TGM2: variants seen among roughly 807,000 people sequenced by gnomAD.
TGM2 encodes the protein transglutaminase 2, also known as protein-glutamine gamma-glutamyltransferase 2.
In TGM2, 53 loss-of-function variants were observed where a neutral mutation model predicts 75.6. The ratio of observed to expected loss-of-function variants is 0.70; its 90% CI spans 0.56 to 0.88. The LOEUF (loss-of-function observed/expected upper bound fraction) is 0.88. Ranked by LOEUF, TGM2 falls within the 40% of genes least tolerant of loss-of-function variation. The pLI is 0.00. For missense variants in TGM2, 842 were observed against 928.5 expected (o/e 0.91, Z 1.21); for synonymous variants, 374 against 381.1 (o/e 0.98, Z 0.22).
intron 10 of TGM2, among the ~76,000 whole-genome samples, chr20:38,135,118 G>A (rs2074882815): frequency 6.6e-6 from 1 of 152,212 alleles, no homozygotes; most frequent in African/African-American, 2.4e-5. Flanking sequence ...TGATGCCAGT[G>A]CGGAACAATG....
intron 10 of TGM2, among the ~76,000 whole-genome samples, chr20:38,137,090 C>T (rs2074909222): frequency 1.3e-5 from 2 of 152,358 alleles, no homozygotes; most frequent in Admixed American, 1.3e-4. Flanking sequence ...GCACTTCTCC[C>T]TGCAGAGGCC....
At chr20:38,139,290 G>A (rs140804009) in intron 9 of TGM2, 122 bp downstream of exon 9, 300 of 1,408,562 alleles carry the variant, frequency 2.1e-4, no homozygotes, top group Non-Finnish European at 2.8e-4. Context: ...TATAGCCTAC[G>A]GGGCCATTGC....
intron 10 of TGM2, among the ~76,000 whole-genome samples, chr20:38,136,616 G>A (rs900283113): frequency 6.6e-6 from 1 of 152,192 alleles, no homozygotes; most frequent in African/African-American, 2.4e-5. Context: ...GCCCAAAGAC[G>A]ATGTCCTACT....
chr20:38,166,248 C>G (rs2122990459), upstream of TGM2, among the ~76,000 whole-genome samples: 1 of 152,242 alleles, frequency 6.6e-6, no homozygotes, highest in East Asian at 1.9e-4. Context: ...ACCCATCCAT[C>G]CACTCACCCA....
At chr20:38,145,245 C>A (rs2075031081) in intron 6 of TGM2, 1 of 152,142 alleles carries the variant, frequency 6.6e-6, no homozygotes. Context: ...TGCCAGGCAC[C>A]CTTTCCTGGG....
At chr20:38,136,010 A>G (rs1403513885) in intron 10 of TGM2, among the ~76,000 whole-genome samples, 1 of 152,234 alleles carries the variant, frequency 6.6e-6, no homozygotes, top group African/African-American at 2.4e-5. Flanking sequence ...AGAGGGCAGC[A>G]GAGCTGAGAT....
intron 10 of TGM2, among the ~76,000 whole-genome samples, chr20:38,134,537 G>C (rs867140885): frequency 1.3e-5 from 2 of 152,208 alleles, no homozygotes; most frequent in Admixed American, 1.3e-4. Context: ...CAGTGGCCAC[G>C]GCCTTGGTCT....
chr20:38,137,992 C>T (rs2074920321), intron 10 of TGM2, 121 bp downstream of exon 10: 1 of 1,476,174 alleles, frequency 6.8e-7, no homozygotes, highest in South Asian at 1.4e-5. Flanking sequence ...CAGGGCCTGC[C>T]CCAGAGTCAG....
Position 38,131,184 on chromosome 20 carries a change from A to G in TGM2, c.1822T>C (p.Ser608Pro). Residue 608 changes from serine (S) to proline (P), a missense_variant, in exon 12 of 13, where the codon TCC becomes CCC. Coordinates refer to ENST00000361475, the MANE Select transcript of TGM2 (RefSeq NM_004613.4). ...KQKRKLVAEVSLQNPLPVALE... is the reference protein window; with the variant it reads ...KQKRKLVAEVPLQNPLPVALE... ...GCCACAGGGAGCGGGTTCTGCAGGG[A>G]CACCTCAGCCACCAGCTTGCGTTTC... 1 of 1,613,856 alleles carries G rather than the reference A, an allele frequency of 6.2e-7. No individual in the cohort carries two copies. Among genetic ancestry groups the G allele is most frequent in the Non-Finnish European group, 8.5e-7 (1 of 1,180,006 alleles).
At chr20:38,154,740 C>A (rs2075161099) in intron 3 of TGM2, among the ~76,000 whole-genome samples, 1 of 151,968 alleles carries the variant, frequency 6.6e-6, no homozygotes, top group African/African-American at 2.4e-5. Flanking sequence ...CACCCCCCTC[C>A]CCCAGCCCTC....
intron 5 of TGM2, 25 bp from the exon 6 acceptor site, chr20:38,146,919 G>T (rs1309061342): frequency 3.1e-6 from 5 of 1,608,066 alleles, no homozygotes; most frequent in Non-Finnish European, 2.5e-6. Context: ...GCAGCACGGG[G>T]ACTGAGCCTG....
chr20:38,132,897 G>A (rs1237581581), intron 10 of TGM2: 1 of 457,310 alleles, frequency 2.2e-6, no homozygotes, highest in Non-Finnish European at 4.4e-6. Flanking sequence ...GACTCAGGGT[G>A]TGTGAGCCGC....
Position 38,156,042 on chromosome 20 carries a change from T to G in TGM2, c.238A>C (p.Arg80=). ...EAGTKARFPL[R]DAVEEGDWTA... ...CAGTCACCCTCCTCCACAGCATCTC[T>G]TAGTGGAAAACGGGCCTTGGTCCCG... The change falls in exon 3 of 13, where the codon AGA becomes CGA. Residue 80 remains arginine, a synonymous_variant. Transcript: ENST00000361475. 1 of 1,613,884 alleles carries G rather than the reference T, an allele frequency of 6.2e-7. No homozygotes were observed. Among genetic ancestry groups the G allele is most frequent in the Non-Finnish European group, 8.5e-7 (1 of 1,179,970 alleles).
chr20:38,165,720 A>ACT (rs761878395), upstream of TGM2, among the ~76,000 whole-genome samples: 66 of 151,582 alleles, frequency 4.4e-4, no homozygotes, highest in Non-Finnish European at 8.8e-4. Context: ...TCACACACAT[A>ACT]CTCAGATATA....
chr20:38,133,049 A>C, intron 10 of TGM2: 1 of 356,918 alleles, frequency 2.8e-6, no homozygotes, highest in South Asian at 2.1e-5. Context: ...TACAGATGAG[A>C]AAACTGAGTC....
intron 7 of TGM2, among the ~76,000 whole-genome samples, 165 bp downstream of exon 7, chr20:38,141,899 T>C (rs926732364): frequency 1.3e-5 from 2 of 152,140 alleles, no homozygotes; most frequent in African/African-American, 2.4e-5. Flanking sequence ...GGCCCCATCA[T>C]GTATGTGGTT....
At chr20:38,139,780 A>C in intron 8 of TGM2, 126 bp from the exon 9 acceptor site, 1 of 1,286,880 alleles carries the variant, frequency 7.8e-7, no homozygotes, top group Non-Finnish European at 1.1e-6. Context: ...TGACGGAAGG[A>C]CTCCACTTCC....
chr20:38,131,192 G>A lies in TGM2; in HGVS notation c.1814C>T (p.Ala605Val). Residue 605 changes from alanine (A) to valine (V), a missense_variant, in exon 12 of 13, where the codon GCT (alanine) becomes GTT (valine). Physicochemically the swap from Ala to Val is moderately conservative, Grantham distance 64. Coordinates refer to ENST00000361475, the MANE Select transcript of TGM2 (RefSeq NM_004613.4). ...GAGCGGGTTCTGCAGGGACACCTCA[G>A]CCACCAGCTTGCGTTTCTGCTTGGG... ...GEPKQKRKLV[A>V]EVSLQNPLPV... The A allele has an allele frequency of 1.2e-6, 2 of 1,613,876 alleles. No individual in the cohort carries two copies. The highest frequency in any genetic ancestry group is 1.7e-6 in the Non-Finnish European group (2 of 1,180,024).
chr20:38,164,095 C>T (rs1184042896), intron 1 of TGM2, among the ~76,000 whole-genome samples: 2 of 152,224 alleles, frequency 1.3e-5, no homozygotes, highest in African/African-American at 4.8e-5. Flanking sequence ...GATCTCCCAG[C>T]CCCACTGAGC....
Sources: allele counts gnomAD v4.1 joint callset (sites outside exome capture counted in the v4.1 genomes callset), GRCh38; gene constraint gnomAD v4.1.1; transcripts MANE v1.5; gene names NCBI Gene and HGNC (gene_info 2026-07-23, HGNC 2026-07-21).